Variants in AGPAT2 observed in about 807,000 individuals in gnomAD.
AGPAT2 encodes the protein 1-acylglycerol-3-phosphate O-acyltransferase 2, also known as 1-acyl-sn-glycerol-3-phosphate acyltransferase beta.
AGPAT2 carries 18 observed loss-of-function variants against 26.1 expected under a neutral mutation model. The ratio of observed to expected loss-of-function variants is 0.69; its 90% confidence interval spans 0.48 to 1.02. The LOEUF is 1.02. AGPAT2 is among the 50% of genes least tolerant of loss of function. The pLI is 0.00. For synonymous variants in AGPAT2, 200 were observed against 174.2 expected (o/e 1.15, Z -1.16); for missense variants, 415 against 394.9 (o/e 1.05, Z -0.43).
Position 136,673,806 on chromosome 9 carries a change from C to T in AGPAT2, c.783G>A (p.Lys261=), listed in dbSNP as rs761143874. The change falls in exon 6 of 6, where the codon AAG becomes AAA. Residue 261 remains lysine, a synonymous_variant. Coordinates refer to ENST00000371696, the MANE Select transcript of AGPAT2 (RefSeq NM_006412.4). ...CAGTGGCCCCGTTCTCCTGGGGGGT[C>T]TTGGAGATGTGGAGGAAGGTGGTCC... The part of the protein sequence containing the change: ...AMRTTFLHIS[K]TPQENGATAG... 20 of 1,606,328 alleles carry T rather than the reference C, an allele frequency of 1.2e-5. No individual in the cohort carries two copies. Among genetic ancestry groups the T allele is most frequent in the Admixed American group, 5.1e-5 (3 of 59,402 alleles).
intron 1 of AGPAT2, among the ~76,000 whole-genome samples, chr9:136,683,963 G>A (rs926089709): frequency 6.6e-5 from 10 of 152,232 alleles, no homozygotes; most frequent in African/African-American, 1.7e-4. Flanking sequence ...CACACTGGGC[G>A]TGTGGTGTGG....
At chr9:136,686,871 A>G (rs573979964) in intron 1 of AGPAT2, among the ~76,000 whole-genome samples, 115 of 152,176 alleles carry the variant, frequency 7.6e-4, no homozygotes, top group African/African-American at 2.7e-3. Context: ...AAGCTGCTCC[A>G]CCCCCGGAAC....
chr9:136,675,031 C>T (rs1274437355), intron 4 of AGPAT2, among the ~76,000 whole-genome samples: 2 of 152,164 alleles, frequency 1.3e-5, no homozygotes, highest in Non-Finnish European at 2.9e-5. Context: ...CTCATCTCCT[C>T]TAGGAAGCCC....
intron 1 of AGPAT2, among the ~76,000 whole-genome samples, chr9:136,678,577 C>T (rs538258945): frequency 6.6e-6 from 1 of 152,294 alleles, no homozygotes; most frequent in East Asian, 1.9e-4. Context: ...CAGTGCTGCT[C>T]CCCTCTCCAT....
rs1846236502 is a variant in AGPAT2 at position 136,687,326 on chromosome 9, AGCGCC to A, written c.27_31del (p.Leu11ValfsTer135). ...CTGCACCAGCAGCAGCAGCAACAGC[AGCGCC>A]GCGGCCAGACACGGCCACAGCTCCA... On this transcript the variant is annotated frameshift_variant, in exon 1 of 6. Coordinates refer to ENST00000371696, the MANE Select transcript of AGPAT2 (RefSeq NM_006412.4). LOFTEE classifies it high-confidence loss of function. The A allele has an allele frequency of 1.9e-6, 3 of 1,565,092 alleles. No individual in the cohort carries two copies. Among genetic ancestry groups the A allele is most frequent in the Non-Finnish European group, 2.6e-6 (3 of 1,162,584 alleles).
intron 1 of AGPAT2, among the ~76,000 whole-genome samples, chr9:136,678,016 G>C (rs1435020719): frequency 6.6e-6 from 1 of 152,192 alleles, no homozygotes; most frequent in African/African-American, 2.4e-5. Context: ...GCCCCTCAAG[G>C]CAGGGCCACA....
rs887438871 is a variant in AGPAT2, at chr9:136,673,464, G to A, written c.*288C>T. 30 of 313,568 alleles carry A rather than the reference G, an allele frequency of 9.6e-5. No homozygotes were observed. Among genetic ancestry groups the A allele is most frequent in the African/African-American group, 3.4e-4 (16 of 46,584 alleles). The allele number at this position is 313,568 out of a possible 1,614,324, so 19.4% of individuals were successfully genotyped here. On this transcript the variant is annotated 3_prime_UTR_variant, in exon 6 of 6. Coordinates refer to ENST00000371696, the MANE Select transcript of AGPAT2 (RefSeq NM_006412.4). ...GGGCCTTGTGGCTCAGCCCACCAGC[G>A]GGCCACAGCCGCAAGCCTCATCTTT... is the stretch of plus-strand genomic sequence containing the variant.
In AGPAT2 at chr9:136,682,734, C is replaced by G. The variant is rs530842669; in HGVS notation, c.182+4442G>C. ...GGGAAAGCCCAGGTGCTGCCTCAGT[C>G]TTTTTCAGGAGCCCTCAGACTGGAG... is the stretch of plus-strand genomic sequence containing the variant. On this transcript the variant is annotated intron_variant, in intron 1 of 5. Coordinates refer to ENST00000371696, the MANE Select transcript of AGPAT2 (RefSeq NM_006412.4). Among the ~76,000 whole-genome samples the G allele has an allele frequency of 2.5e-4, 38 of 152,258 alleles. No homozygotes were observed. In the South Asian group the frequency reaches 7.5e-3, roughly 30 times the overall value.
At chr9:136,681,993 AC>A (rs1846167036) in intron 1 of AGPAT2, among the ~76,000 whole-genome samples, 1 of 152,132 alleles carries the variant, frequency 6.6e-6, no homozygotes, top group South Asian at 2.1e-4. Flanking sequence ...TTTTGTTCTG[AC>A]AGTAACCCCC....
In AGPAT2 at chr9:136,673,776, C is replaced by T. The variant is rs759149037; in HGVS notation, c.813G>A (p.Gly271=). The change falls in exon 6 of 6, where the codon GGG becomes GGA. Residue 271 remains glycine (G), a synonymous_variant. Transcript: ENST00000371696. ...GCTACTGGGCCGGCTGCACGCCAGACCCCGCAGTGGCCCCGTTCTCCTGGG... is the reference window on the plus strand; with the variant it reads ...GCTACTGGGCCGGCTGCACGCCAGATCCCGCAGTGGCCCCGTTCTCCTGGG... ...KTPQENGATA[G]SGVQPAQ is the part of the protein sequence containing the mutation. 6 of 1,601,080 alleles carry T rather than the reference C, an allele frequency of 3.7e-6. No individual in the cohort carries two copies. Among genetic ancestry groups the T allele is most frequent in the African/African-American group, 2.7e-5 (2 of 74,748 alleles).
At chr9:136,673,999 C>G in intron 5 of AGPAT2, 72 bp from the exon 6 acceptor site, 1 of 1,381,030 alleles carries the variant, frequency 7.2e-7, no homozygotes, top group Non-Finnish European at 9.5e-7. Flanking sequence ...GCCCTGGCCT[C>G]GCCTCTCCCC....
chr9:136,675,953 A>G (rs547789682), intron 4 of AGPAT2, among the ~76,000 whole-genome samples: 10 of 152,262 alleles, frequency 6.6e-5, no homozygotes, highest in African/African-American at 2.2e-4. Context: ...CCCTGCCCTG[A>G]GCGAGACCCC....
intron 1 of AGPAT2, among the ~76,000 whole-genome samples, chr9:136,681,926 C>G (rs996483627): frequency 1.3e-5 from 2 of 152,120 alleles, no homozygotes; most frequent in African/African-American, 4.8e-5. Flanking sequence ...GCACAGAGGC[C>G]CCCTGCACCT....
intron 4 of AGPAT2, among the ~76,000 whole-genome samples, chr9:136,675,107 G>C (rs973019614): frequency 6.6e-6 from 1 of 152,172 alleles, no homozygotes; most frequent in Non-Finnish European, 1.5e-5. Flanking sequence ...GCTAGCCAGG[G>C]GGGCAGGGCC....
chr9:136,682,148 G>C (rs1846168884), intron 1 of AGPAT2, among the ~76,000 whole-genome samples: 1 of 152,184 alleles, frequency 6.6e-6, no homozygotes, highest in Non-Finnish European at 1.5e-5. Context: ...CTTCGGAGCT[G>C]GCAGAGTCGT....
At position 136,673,932 on chromosome 9, in the gene AGPAT2, G is replaced by A. The variant is rs199964729; in HGVS notation, c.662-5C>T. The A allele has an allele frequency of 1.4e-5, 21 of 1,554,482 alleles. No homozygotes were observed. Among genetic ancestry groups the A allele is most frequent in the Non-Finnish European group, 1.8e-5 (21 of 1,147,520 alleles). ...GCACCTGCACTGTGACTGTTCCTGT[G>A]GGGGAAGCAACAGACCTCAGTGGCC... is the stretch of plus-strand genomic sequence containing the variant. On this transcript the variant is annotated splice_polypyrimidine_tract_variant and splice_region_variant and intron_variant, in intron 5 of 5. Coordinates refer to ENST00000371696, the MANE Select transcript of AGPAT2 (RefSeq NM_006412.4).
rs563539429 is a variant in AGPAT2 at position 136,677,540 on chromosome 9, C to T, written c.199G>A (p.Val67Met). 1,029 of 1,612,802 alleles carry T rather than the reference C, an allele frequency of 6.4e-4. 14 individuals carry two copies. In the South Asian group the frequency reaches 0.01, roughly 16 times the overall value. The change falls in exon 2 of 6, where the codon GTG becomes ATG. Residue 67 changes from valine to methionine, a missense_variant. Transcript: ENST00000371696. ...CCGTAAAAGTACTTGAAGCTTCGCA[C>T]GAACCAGCCGATGATGCTGCAGGGG... The part of the protein sequence containing the change: ...VENMSIIGWF[V>M]RSFKYFYGLR...
intron 5 of AGPAT2, among the ~76,000 whole-genome samples, chr9:136,674,152 G>T (rs997018268): frequency 1.3e-5 from 2 of 152,098 alleles, no homozygotes; most frequent in East Asian, 3.9e-4. Context: ...TTTTCGACAA[G>T]TCTGCGCTCC....
At chr9:136,682,066 A>G (rs1846167724) in intron 1 of AGPAT2, among the ~76,000 whole-genome samples, 1 of 152,134 alleles carries the variant, frequency 6.6e-6, no homozygotes, top group African/African-American at 2.4e-5. Flanking sequence ...AAGGTTCAGC[A>G]AAGTTAAGTG....
Sources: allele counts gnomAD v4.1 joint callset (sites outside exome capture counted in the v4.1 genomes callset), GRCh38; gene constraint gnomAD v4.1.1; transcripts MANE v1.5; gene names NCBI Gene and HGNC (gene_info 2026-07-23, HGNC 2026-07-21).